SCFD2: variants seen among roughly 807,000 people sequenced by gnomAD.
SCFD2 encodes the protein sec1 family domain containing 2.
SCFD2 carries 54 observed loss-of-function variants against 58.9 expected under a neutral mutation model. The observed-to-expected ratio is 0.92, with a 90% CI of 0.74 to 1.15. The LOEUF is 1.15. Among genes scored for constraint, SCFD2 ranks in the 50% most tolerant of loss-of-function variants. SCFD2 has a pLI of 0.00. For missense variants in SCFD2, 805 were observed against 836.6 expected (o/e 0.96, Z 0.47); for synonymous variants, 321 against 335.9 (o/e 0.96, Z 0.49).
At chr4:53,027,708 G>T (rs987828354) in intron 5 of SCFD2, among the ~76,000 whole-genome samples, 1 of 152,026 alleles carries the variant, frequency 6.6e-6, no homozygotes, top group African/African-American at 2.4e-5. Context: ...CCCACCTGTA[G>T]TCCCAGCTAC....
At chr4:53,172,096 T>C (rs962774874) in intron 4 of SCFD2, among the ~76,000 whole-genome samples, 6 of 152,002 alleles carry the variant, frequency 3.9e-5, no homozygotes, top group African/African-American at 1.5e-4. Flanking sequence ...AACCTTCATC[T>C]CCTGGGTTCA....
intron 3 of SCFD2, among the ~76,000 whole-genome samples, chr4:53,283,946 G>A (rs1321264048): frequency 6.6e-5 from 10 of 151,452 alleles, no homozygotes; most frequent in South Asian, 4.2e-4. Flanking sequence ...TGAAACCCCC[G>A]TCTCTACTAA....
chr4:53,234,174 CA>C lies in SCFD2; in HGVS notation c.1311+39651del, dbSNP rs369273915. On this transcript the variant is annotated intron_variant, in intron 4 of 8. Transcript: ENST00000401642. ...TTACAAAAGAAATTGTATGCACATCCAAAAAAAAATATTTGTTTCAGTTTGA... is the reference window on the plus strand; with the variant it reads ...TTACAAAAGAAATTGTATGCACATCCAAAAAAAATATTTGTTTCAGTTTGA... Among the ~76,000 whole-genome samples the C allele has an allele frequency of 8.7e-3, 1,314 of 150,868 alleles. 13 individuals are homozygous for C. Among genetic ancestry groups the C allele is most frequent in the Middle Eastern group, 0.048 (14 of 294 alleles).
intron 4 of SCFD2, among the ~76,000 whole-genome samples, chr4:53,170,373 T>C (rs1727144714): frequency 6.6e-6 from 1 of 152,210 alleles, no homozygotes; most frequent in African/African-American, 2.4e-5. Context: ...AGATTCTCTA[T>C]TTCGTTTCAA....
At chr4:53,064,004 TTTCC>T (rs1229414695) in intron 5 of SCFD2, among the ~76,000 whole-genome samples, 1 of 152,120 alleles carries the variant, frequency 6.6e-6, no homozygotes, top group African/African-American at 2.4e-5. Context: ...TCCTTCTTTC[TTTCC>T]TTCCTTTTTA....
intron 5 of SCFD2, among the ~76,000 whole-genome samples, chr4:53,061,140 A>C (rs559900005): frequency 2.6e-4 from 40 of 152,186 alleles, no homozygotes; most frequent in Non-Finnish European, 5.0e-4. Flanking sequence ...CTTTAATTAA[A>C]ATATGCTAAG....
intron 5 of SCFD2, among the ~76,000 whole-genome samples, chr4:53,092,522 CCCCAA>C (rs769905622): frequency 0.02 from 2,964 of 151,938 alleles, 70 homozygotes; most frequent in East Asian, 0.11. Flanking sequence ...TTTTTAAAGC[CCCCAA>C]ATTGGAAACA....
intron 4 of SCFD2, among the ~76,000 whole-genome samples, chr4:53,161,166 G>C (rs572519717): frequency 1.3e-5 from 2 of 152,212 alleles, no homozygotes; most frequent in South Asian, 4.1e-4. Flanking sequence ...GTAACCGGGA[G>C]AGAGCAAAAG....
intron 1 of SCFD2, among the ~76,000 whole-genome samples, chr4:53,353,025 G>A (rs146069506): frequency 3.9e-5 from 6 of 152,280 alleles, no homozygotes; most frequent in African/African-American, 7.2e-5. Context: ...AGCACCTAGC[G>A]TGTCTGGAAT....
Position 53,298,844 on chromosome 4 carries a change from T to A in SCFD2, c.1135+14792A>T, listed in dbSNP as rs569334058. Among the ~76,000 whole-genome samples, 11 of 152,146 alleles carry A rather than the reference T, an allele frequency of 7.2e-5. No homozygotes were observed. The East Asian group carries it at 1.9e-3, about 27-fold the overall frequency. On this transcript the variant is annotated intron_variant, in intron 3 of 8. Coordinates refer to ENST00000401642, the MANE Select transcript of SCFD2 (RefSeq NM_152540.4). ...ATACCCAGGCAAAAAGGGTCTGGAGTGGACCTCCAGTAAACTCCCACAGAC... is the reference window on the plus strand; with the variant it reads ...ATACCCAGGCAAAAAGGGTCTGGAGAGGACCTCCAGTAAACTCCCACAGAC...
chr4:52,987,827 G>A (rs752012958), intron 5 of SCFD2, among the ~76,000 whole-genome samples: 7 of 152,084 alleles, frequency 4.6e-5, no homozygotes, highest in Non-Finnish European at 7.3e-5. Flanking sequence ...CACATAAAAC[G>A]CCGCAATGCA....
chr4:53,248,278 C>T (rs1294020906), intron 4 of SCFD2, among the ~76,000 whole-genome samples: 1 of 152,206 alleles, frequency 6.6e-6, no homozygotes, highest in Non-Finnish European at 1.5e-5. Context: ...GTCCTACACC[C>T]ACTGAGTCTC....
chr4:52,932,524 G>A (rs969794594), intron 5 of SCFD2, among the ~76,000 whole-genome samples: 4 of 152,112 alleles, frequency 2.6e-5, no homozygotes, highest in African/African-American at 9.7e-5. Flanking sequence ...TGTAAGTATC[G>A]GGGGAATAGT....
At chr4:53,082,835 T>G (rs183339851) in intron 5 of SCFD2, among the ~76,000 whole-genome samples, 2 of 152,286 alleles carry the variant, frequency 1.3e-5, no homozygotes, top group Non-Finnish European at 2.9e-5. Flanking sequence ...CACCATTGAC[T>G]TTCCTGGTTC....
intron 5 of SCFD2, among the ~76,000 whole-genome samples, chr4:53,087,232 A>C (rs897476666): frequency 6.8e-4 from 104 of 152,334 alleles, no homozygotes; most frequent in Non-Finnish European, 5.6e-4. Context: ...ACCTGGCTGA[A>C]TTGTGTTCAT....
intron 4 of SCFD2, among the ~76,000 whole-genome samples, chr4:53,207,701 T>C (rs1239035148): frequency 6.8e-6 from 1 of 147,436 alleles, no homozygotes; most frequent in Non-Finnish European, 1.5e-5. Context: ...GGGGCAGATT[T>C]CCCCTTTGGT....
intron 5 of SCFD2, among the ~76,000 whole-genome samples, chr4:53,078,547 G>A (rs1487571059): frequency 6.6e-6 from 1 of 152,108 alleles, no homozygotes; most frequent in East Asian, 1.9e-4. Context: ...AAAAAATCAA[G>A]AGGCATTTCC....
intron 7 of SCFD2, among the ~76,000 whole-genome samples, chr4:52,905,183 T>C (rs1458668865): frequency 6.6e-6 from 1 of 152,136 alleles, no homozygotes; most frequent in Admixed American, 6.5e-5. Flanking sequence ...TAAAGCAGAG[T>C]GGTAGACATC....
rs747405227 is a variant in SCFD2 at position 53,365,399 on chromosome 4, G to A, written c.543C>T (p.Pro181=). 2 of 1,614,172 alleles carry A rather than the reference G, an allele frequency of 1.2e-6. No individual in the cohort carries two copies. Among genetic ancestry groups the A allele is most frequent in the South Asian group, 2.2e-5 (2 of 91,076 alleles). The stretch of plus-strand genomic sequence containing the variant: ...CGCTATTAAGGAGGTGCACATCCTG[G>A]GGTAGCAGTGGGAAAAGGGATGCAA... ...PAFASLFPLL[P]QDVHLLNSAR... Residue 181 remains proline (P), a synonymous_variant, in exon 1 of 9, where the codon CCC becomes CCT. Transcript: ENST00000401642. This position sits in a 1 kb window ranked among gnomAD's most constrained non-coding sequence, Gnocchi z 4.3.
Sources: allele counts gnomAD v4.1 joint callset (sites outside exome capture counted in the v4.1 genomes callset), GRCh38; gene constraint gnomAD v4.1.1; non-coding constraint Gnocchi (gnomAD v3.1); transcripts MANE v1.5; gene names NCBI Gene and HGNC (gene_info 2026-07-23, HGNC 2026-07-21).